Variants in CDYL observed in about 807,000 individuals in gnomAD.
CDYL encodes chromodomain Y like.
A neutral mutation model predicts 47.3 loss-of-function variants in CDYL; 8 were observed. That is an observed-to-expected ratio of 0.17 (90% CI 0.10 to 0.31). The LOEUF is 0.31. CDYL is among the 10% of genes least tolerant of loss of function. The pLI is 1.00. For missense variants in CDYL, 471 were observed against 701.4 expected (o/e 0.67, Z 3.71); for synonymous variants, 266 against 265.0 (o/e 1.00, Z -0.04).
intron 2 of CDYL, among the ~76,000 whole-genome samples, chr6:4,927,053 C>G (rs1757895824): frequency 6.6e-6 from 1 of 152,204 alleles, no homozygotes; most frequent in Non-Finnish European, 1.5e-5. Context: ...AATATCGTGT[C>G]AGGTGCACGT....
chr6:4,799,882 TATATTTATA>T (rs1234575978), intron 1 of CDYL, among the ~76,000 whole-genome samples: 1 of 152,262 alleles, frequency 6.6e-6, no homozygotes, highest in East Asian at 1.9e-4. Context: ...TAGATGGATG[TATATTTATA>T]ATATTGTTAT....
intron 1 of CDYL, among the ~76,000 whole-genome samples, chr6:4,873,674 T>G (rs1761535827): frequency 6.6e-6 from 1 of 152,240 alleles, no homozygotes; most frequent in African/African-American, 2.4e-5. Context: ...TTTCTGTACC[T>G]TAATTCTACC....
chr6:4,939,151 A>G (rs544022784), intron 4 of CDYL, among the ~76,000 whole-genome samples: 8 of 152,322 alleles, frequency 5.3e-5, no homozygotes, highest in African/African-American at 1.9e-4. Context: ...AAAATCCCAG[A>G]TTTCTGGAGG....
chr6:4,720,910 C>G (rs946830929), intron 2 of CDYL, among the ~76,000 whole-genome samples: 1 of 151,980 alleles, frequency 6.6e-6, no homozygotes, highest in East Asian at 1.9e-4. Context: ...ATTTAATAAA[C>G]ATATTGCTAG....
chr6:4,824,569 T>C (rs1292000220), intron 1 of CDYL, among the ~76,000 whole-genome samples: 2 of 152,236 alleles, frequency 1.3e-5, no homozygotes, highest in Non-Finnish European at 2.9e-5. Context: ...TTGGGTTATT[T>C]GTCATTGTTG....
At chr6:4,907,661 C>G (rs576466638) in intron 2 of CDYL, among the ~76,000 whole-genome samples, 17 of 152,338 alleles carry the variant, frequency 1.1e-4, no homozygotes, top group African/African-American at 4.1e-4. Flanking sequence ...GCATGAGCCA[C>G]CATGTCCAGC....
intron 1 of CDYL, among the ~76,000 whole-genome samples, chr6:4,852,603 C>CTCCT (rs113583831): frequency 0.033 from 4,072 of 122,892 alleles, 612 homozygotes; most frequent in African/African-American, 0.17. Context: ...TCCTTCCTTC[C>CTCCT]TCCTTCCTTC....
chr6:4,923,661 C>CTAATT lies in CDYL; in HGVS notation c.692-11851_692-11847dup, dbSNP rs981925117. Among the ~76,000 whole-genome samples the CTAATT allele has an allele frequency of 5.3e-5, 8 of 152,070 alleles. No individual in the cohort carries two copies. In the East Asian group the frequency reaches 1.5e-3, roughly 29 times the overall value. Reference sequence around the variant, plus strand: ...CATACTCTTTTCCATAATGACTGTACTAATTTACATTCCTACTGACAGTGG... The same window carrying CTAATT: ...CATACTCTTTTCCATAATGACTGTACTAATTTAATTTACATTCCTACTGACAGTGG... On this transcript the variant is annotated intron_variant, in intron 2 of 6. Transcript: ENST00000397588.
chr6:4,931,989 A>G (rs556950491), intron 2 of CDYL, among the ~76,000 whole-genome samples: 4 of 152,222 alleles, frequency 2.6e-5, no homozygotes, highest in African/African-American at 4.8e-5. Flanking sequence ...TGGCCTAGAA[A>G]TGTTGCTTCG....
intron 5 of CDYL, among the ~76,000 whole-genome samples, chr6:4,948,079 G>T (rs1333747548): frequency 6.6e-6 from 1 of 152,222 alleles, no homozygotes; most frequent in Non-Finnish European, 1.5e-5. Context: ...AGTGATTACT[G>T]TAAACGAGAC....
intron 4 of CDYL, among the ~76,000 whole-genome samples, chr6:4,938,598 C>T (rs1758273389): frequency 6.6e-6 from 1 of 152,160 alleles, no homozygotes; most frequent in Non-Finnish European, 1.5e-5. Flanking sequence ...GGTGAGAACA[C>T]TTAAAATCTA....
chr6:4,817,098 G>A (rs778874280), intron 1 of CDYL, among the ~76,000 whole-genome samples: 2 of 152,086 alleles, frequency 1.3e-5, no homozygotes, highest in Non-Finnish European at 2.9e-5. Flanking sequence ...GTATTGTTGC[G>A]AAATCTAGTT....
intron 3 of CDYL, among the ~76,000 whole-genome samples, chr6:4,740,873 G>A (rs981960197): frequency 4.2e-4 from 64 of 150,802 alleles, no homozygotes; most frequent in African/African-American, 1.5e-3. Flanking sequence ...TGCAACCTCC[G>A]CCTCCTGGGT....
At chr6:4,738,089 T>C (rs1757735046) in intron 3 of CDYL, among the ~76,000 whole-genome samples, 1 of 152,084 alleles carries the variant, frequency 6.6e-6, no homozygotes, top group South Asian at 2.1e-4. Context: ...AAGAAACTGC[T>C]ATAGTCAAAA....
chr6:4,804,594 C>T (rs1237282426), intron 1 of CDYL, among the ~76,000 whole-genome samples: 1 of 152,164 alleles, frequency 6.6e-6, no homozygotes, highest in African/African-American at 2.4e-5. Context: ...TTGCTCATCA[C>T]TCTCGCCCCA....
At chr6:4,844,518 G>A (rs1439540799) in intron 1 of CDYL, among the ~76,000 whole-genome samples, 1 of 152,164 alleles carries the variant, frequency 6.6e-6, no homozygotes, top group Non-Finnish European at 1.5e-5. Flanking sequence ...GTCCCCACAC[G>A]CTGCTCTGTC....
At chr6:4,729,238 A>G (rs972755069) in intron 2 of CDYL, among the ~76,000 whole-genome samples, 1 of 152,050 alleles carries the variant, frequency 6.6e-6, no homozygotes, top group Non-Finnish European at 1.5e-5. Flanking sequence ...CAAACAGACT[A>G]TCCCTTGTGC....
intron 1 of CDYL, among the ~76,000 whole-genome samples, chr6:4,821,933 G>A (rs1759850196): frequency 6.6e-6 from 1 of 151,950 alleles, no homozygotes; most frequent in Admixed American, 6.6e-5. Flanking sequence ...GTATGTACCA[G>A]CCAAATGGTT....
intron 3 of CDYL, among the ~76,000 whole-genome samples, chr6:4,762,859 G>A (rs2127423424): frequency 6.6e-6 from 1 of 152,246 alleles, no homozygotes; most frequent in East Asian, 1.9e-4. Flanking sequence ...AGAAGAGACT[G>A]AGGTAGCAGC....
Sources: gnomAD v4.1 joint callset for allele counts (sites outside exome capture counted in the v4.1 genomes callset) on GRCh38, gnomAD v4.1.1 for gene constraint, MANE v1.5 for transcripts, NCBI Gene and HGNC (gene_info 2026-07-23, HGNC 2026-07-21) for gene names.